OTOA: variants seen among roughly 807,000 people sequenced by gnomAD.
OTOA encodes otoancorin, also known as cancer/testis antigen 108.
Under a neutral mutation model 110.8 loss-of-function variants are expected in OTOA, and 70 were observed. The ratio of observed to expected loss-of-function variants is 0.63; its 90% CI spans 0.52 to 0.77. The LOEUF (loss-of-function observed/expected upper bound fraction) is 0.77, where lower values mean the gene tolerates loss of function less well. Ranked by LOEUF, OTOA falls within the 30% of genes least tolerant of loss-of-function variation. The pLI, the probability that OTOA is intolerant of heterozygous loss-of-function variation, is 0.00. For synonymous variants in OTOA, 373 were observed against 431.5 expected (o/e 0.86, Z 1.68); for missense variants, 917 against 1,075.8 (o/e 0.85, Z 2.06).
chr16:21,714,203 CTT>C (rs974216975), intron 13 of OTOA, among the ~76,000 whole-genome samples: 1 of 151,870 alleles, frequency 6.6e-6, no homozygotes, highest in Non-Finnish European at 1.5e-5. Flanking sequence ...TTCTTTCTTT[CTT>C]TCTCTTTCTT....
At chr16:21,705,583 G>A (rs1443182973) in intron 12 of OTOA, 2 of 436,174 alleles carry the variant, frequency 4.6e-6, no homozygotes, top group Non-Finnish European at 8.5e-6. Flanking sequence ...GCCAAGATGG[G>A]AGGATCATTT....
Position 21,708,632 on chromosome 16 carries a change from T to C in OTOA, c.1105-1256T>C, listed in dbSNP as rs370219033. Among the ~76,000 whole-genome samples, 42 of 152,298 alleles carry C rather than the reference T, an allele frequency of 2.8e-4. No individual in the cohort carries two copies. The East Asian group carries it at 4.4e-3, about 16-fold the overall frequency. Reference sequence around the variant, plus strand: ...TTTTACAGATGTGGAAACTGATTTCTAGGTAAGGCAGTTGCCGAACTTAGA... The same window carrying C: ...TTTTACAGATGTGGAAACTGATTTCCAGGTAAGGCAGTTGCCGAACTTAGA... On this transcript the variant is annotated intron_variant, in intron 12 of 28. Transcript: ENST00000646100.
At chr16:21,665,517 G>T (rs1966839171) in intron 1 of OTOA, among the ~76,000 whole-genome samples, 1 of 152,114 alleles carries the variant, frequency 6.6e-6, no homozygotes. Context: ...TTCGCTTGCT[G>T]TGTGATCGTT....
intron 13 of OTOA, among the ~76,000 whole-genome samples, chr16:21,711,031 A>G (rs1419291499): frequency 6.6e-6 from 1 of 151,966 alleles, no homozygotes; most frequent in Admixed American, 6.6e-5. Flanking sequence ...ACAACAACAA[A>G]TCAGTAGCAC....
intron 9 of OTOA, among the ~76,000 whole-genome samples, chr16:21,697,462 G>A (rs1897966992): frequency 6.6e-6 from 1 of 151,950 alleles, no homozygotes; most frequent in Non-Finnish European, 1.5e-5. Flanking sequence ...GTGAAACTCT[G>A]TCTCTACTAA....
intron 18 of OTOA, among the ~76,000 whole-genome samples, chr16:21,725,796 A>G (rs1204483799): frequency 2.0e-5 from 3 of 152,170 alleles, no homozygotes; most frequent in African/African-American, 7.2e-5. Flanking sequence ...TCCAAAGGAG[A>G]AAATTTTAAT....
At chr16:21,716,234 T>C (rs1405686439) in intron 14 of OTOA, among the ~76,000 whole-genome samples, 1 of 151,876 alleles carries the variant, frequency 6.6e-6, no homozygotes, top group African/African-American at 2.4e-5. Context: ...TTTTGACATC[T>C]TGCTCTATCA....
At chr16:21,732,586 A>T (rs1168052032) in intron 21 of OTOA, among the ~76,000 whole-genome samples, 1 of 152,162 alleles carries the variant, frequency 6.6e-6, no homozygotes, top group Non-Finnish European at 1.5e-5. Context: ...ACATCCATAT[A>T]TCTATCTAAT....
In OTOA at chr16:21,691,703, G is replaced by A. The variant is rs1349300193; in HGVS notation, c.739+16G>A. 11 of 1,601,642 alleles carry A rather than the reference G, an allele frequency of 6.9e-6. No homozygotes were observed. The African/African-American group carries it at 1.3e-4, about 20-fold the overall frequency. ...AATGCCACTGGTGAGCCTGTACTTG[G>A]AGGTGGGGTCACTTTTTGGGGGAAG... is the stretch of plus-strand genomic sequence containing the variant. On this transcript the variant is annotated intron_variant, in intron 9 of 28. Transcript: ENST00000646100.
chr16:21,720,803 T>G (rs890659822), intron 17 of OTOA, among the ~76,000 whole-genome samples: 1 of 152,180 alleles, frequency 6.6e-6, no homozygotes, highest in Non-Finnish European at 1.5e-5. Context: ...GTTGCCCCAG[T>G]GAAGGTGCTT....
intron 9 of OTOA, among the ~76,000 whole-genome samples, chr16:21,696,347 T>C (rs1230605240): frequency 6.6e-6 from 1 of 151,886 alleles, no homozygotes; most frequent in African/African-American, 2.4e-5. Context: ...AGAGGAAAAT[T>C]TGAGCTTGAT....
intron 6 of OTOA, chr16:21,684,345 C>G (rs1182338507): frequency 2.9e-6 from 4 of 1,377,958 alleles, no homozygotes; most frequent in Non-Finnish European, 3.8e-6. Context: ...GAACAATTCC[C>G]CAGACAGCAG....
In OTOA at chr16:21,719,102, A is replaced by G. The variant is rs751482416; in HGVS notation, c.1630-31A>G. ...GTGTTGGGCACACGCTGAGTGTGCC[A>G]TCAGTGCTAACGATCATTCTCTTCT... On this transcript the variant is annotated intron_variant, in intron 15 of 28. Coordinates refer to ENST00000646100, the MANE Select transcript of OTOA (RefSeq NM_144672.4). 2.5e-6 allele frequency: 4 copies of G among 1,600,554 alleles called. No individual in the cohort carries two copies. The South Asian group carries it at 4.4e-5, about 18-fold the overall frequency.
chr16:21,675,101 C>T lies in OTOA; in HGVS notation c.-4-3410C>T, dbSNP rs1457964334. Among the ~76,000 whole-genome samples, 7 of 134,754 alleles carry T rather than the reference C, an allele frequency of 5.2e-5. No individual in the cohort carries two copies. The Admixed American group carries it at 5.5e-4, about 11-fold the overall frequency. The allele number at this position is 134,754 out of a possible 152,430, so 88.4% of individuals were successfully genotyped here. On this transcript the variant is annotated intron_variant, in intron 1 of 28. Transcript: ENST00000646100. ...TCTTTCTTTCTTTCTTTCTTTCTTT[C>T]TTTCTTTCTTTCTTTTTCTTTCTCT...
At chr16:21,702,917 G>A (rs62044232) in intron 11 of OTOA, among the ~76,000 whole-genome samples, 36,778 of 151,910 alleles carry the variant, frequency 0.24, 4,502 homozygotes, top group Middle Eastern at 0.27. Context: ...CTTGTGATCC[G>A]CCCGCCTCGG....
intron 24 of OTOA, among the ~76,000 whole-genome samples, chr16:21,749,990 T>C (rs1221260202): frequency 1.7e-4 from 26 of 150,068 alleles, no homozygotes; most frequent in African/African-American, 5.8e-4. Context: ...CAGCCCAGAC[T>C]TTATTTTGTA....
chr16:21,683,718 A>T (rs1402267920), intron 6 of OTOA, among the ~76,000 whole-genome samples: 3 of 152,002 alleles, frequency 2.0e-5, no homozygotes, highest in African/African-American at 7.2e-5. Flanking sequence ...AAACAAAAAC[A>T]AAAACAAAAA....
rs745328893 is a variant in OTOA at position 21,705,625 on chromosome 16, C to T, written c.1104+333C>T. Among the ~76,000 whole-genome samples, 32 of 151,774 alleles carry T rather than the reference C, an allele frequency of 2.1e-4. 1 individual carries two copies. Among genetic ancestry groups the T allele is most frequent in the Admixed American group, 4.6e-4 (7 of 15,212 alleles). On this transcript the variant is annotated intron_variant, in intron 12 of 28. Transcript: ENST00000646100. ...AGGAGTTTGATACCAGCCTGGTCAA[C>T]ATCATGAGACCCTTGTCTCTGCAAA...
Position 21,691,646 on chromosome 16 carries a change from CCTGGATGACTGGAATA to C in OTOA, c.702_717del (p.Trp234CysfsTer41). The C allele has an allele frequency of 6.2e-7, 1 of 1,613,954 alleles. No individual in the cohort carries two copies. The highest frequency in any genetic ancestry group is 8.5e-7 in the Non-Finnish European group (1 of 1,179,918). On this transcript the variant is annotated frameshift_variant, in exon 9 of 29. Transcript: ENST00000646100. LOFTEE classifies it high-confidence loss of function. ...GCTCATTCCCAGAGAGCTCTCTATTCCTGGATGACTGGAATACTGCAGACATCCTCCAATGCCACTG... is the reference window on the plus strand; with the variant it reads ...GCTCATTCCCAGAGAGCTCTCTATTCCTGCAGACATCCTCCAATGCCACTG...
Sources: gnomAD v4.1 joint callset for allele counts (sites outside exome capture counted in the v4.1 genomes callset) on GRCh38, gnomAD v4.1.1 for gene constraint, MANE v1.5 for transcripts, NCBI Gene and HGNC (gene_info 2026-07-23, HGNC 2026-07-21) for gene names.